DLGAP2: variants seen among roughly 807,000 people sequenced by gnomAD.
DLGAP2 encodes DLG associated protein 2.
In DLGAP2, 26 loss-of-function variants were observed where a neutral mutation model predicts 100.3. The ratio of observed to expected loss-of-function variants is 0.26; its 90% confidence interval spans 0.19 to 0.36. DLGAP2 has a LOEUF of 0.36. DLGAP2 is among the 10% of genes least tolerant of loss of function. DLGAP2 has a pLI of 1.00. For synonymous variants in DLGAP2, 886 were observed against 630.1 expected, an observed-to-expected ratio of 1.41 and a Z score of -6.08; for missense variants, 1,858 against 1,453.2, an observed-to-expected ratio of 1.28 and a Z score of -4.53.
chr8:1,359,140 C>A (rs996039025), intron 3 of DLGAP2, among the ~76,000 whole-genome samples: 1 of 152,178 alleles, frequency 6.6e-6, no homozygotes, highest in African/African-American at 2.4e-5. Flanking sequence ...AGAACCACCC[C>A]TCTAGGCCAC....
At chr8:1,234,991 G>GCCA (rs1798613224) in intron 2 of DLGAP2, among the ~76,000 whole-genome samples, 6 of 9,042 alleles carry the variant, frequency 6.6e-4, no homozygotes, top group Non-Finnish European at 2.0e-3. Flanking sequence ...GCATAGCATC[G>GCCA]TGTCTAGTTC....
intron 3 of DLGAP2, among the ~76,000 whole-genome samples, chr8:1,265,518 G>A (rs1799433084): frequency 1.3e-5 from 2 of 152,174 alleles, no homozygotes; most frequent in African/African-American, 2.4e-5. Context: ...AAAAGAATGG[G>A]GAGAAAGGAG....
Position 1,063,604 on chromosome 8 carries a change from T to A in DLGAP2, c.73+155638T>A, listed in dbSNP as rs2129035692. ...ATGGTATTGTCTAGCCTCTTTCTGA[T>A]GAAATAGAATGTCAGTAAAAGGATG... On this transcript the variant is annotated intron_variant, in intron 2 of 14. Coordinates refer to ENST00000637795, the MANE Select transcript of DLGAP2 (RefSeq NM_001346810.2). 1.3e-5 allele frequency among the ~76,000 whole-genome samples: 2 copies of A among 151,946 alleles called. 1 individual carries two copies. Among genetic ancestry groups the A allele is most frequent in the South Asian group, 4.2e-4 (2 of 4,790 alleles).
chr8:944,739 T>C (rs1173924092), intron 2 of DLGAP2, among the ~76,000 whole-genome samples: 1 of 151,804 alleles, frequency 6.6e-6, no homozygotes, highest in Non-Finnish European at 1.5e-5. Flanking sequence ...AGCCAATCCC[T>C]GCAGGTGATC....
chr8:1,233,803 G>A (rs994748471), intron 2 of DLGAP2, among the ~76,000 whole-genome samples: 2 of 152,156 alleles, frequency 1.3e-5, no homozygotes, highest in Non-Finnish European at 1.5e-5. Flanking sequence ...AATATAAAAT[G>A]TACCTAAATA....
chr8:1,346,844 A>C (rs572786593), intron 3 of DLGAP2, among the ~76,000 whole-genome samples: 18 of 150,990 alleles, frequency 1.2e-4, no homozygotes, highest in Non-Finnish European at 2.2e-4. Context: ...CATTGCACTC[A>C]TGGTAGCTGT....
At chr8:1,312,606 G>C (rs181711248) in intron 3 of DLGAP2, among the ~76,000 whole-genome samples, 1 of 152,202 alleles carries the variant, frequency 6.6e-6, no homozygotes, top group Non-Finnish European at 1.5e-5. Flanking sequence ...CATGTGCAGC[G>C]TTGCGAATGT....
chr8:1,555,367 C>G (rs1801928078), intron 5 of DLGAP2, among the ~76,000 whole-genome samples: 1 of 152,324 alleles, frequency 6.6e-6, no homozygotes, highest in East Asian at 1.9e-4. Flanking sequence ...GCCTGCCCCC[C>G]ACACTCTATG....
intron 2 of DLGAP2, among the ~76,000 whole-genome samples, chr8:1,197,556 G>A (rs1420431533): frequency 6.6e-6 from 1 of 152,188 alleles, no homozygotes; most frequent in Non-Finnish European, 1.5e-5. Context: ...ACACCAACAT[G>A]TAGCATCCAG....
At chr8:1,134,962 A>G (rs895739719) in intron 2 of DLGAP2, among the ~76,000 whole-genome samples, 1 of 152,198 alleles carries the variant, frequency 6.6e-6, no homozygotes, top group Non-Finnish European at 1.5e-5. Flanking sequence ...GGGGATATCA[A>G]TAGAATCAAT....
At chr8:1,177,527 G>A (rs561977723) in intron 2 of DLGAP2, among the ~76,000 whole-genome samples, 2 of 152,216 alleles carry the variant, frequency 1.3e-5, no homozygotes, top group African/African-American at 2.4e-5. Flanking sequence ...TCTGGCTTGC[G>A]ATTGTGTTGC....
chr8:1,103,196 G>A (rs1804642860), intron 2 of DLGAP2, among the ~76,000 whole-genome samples: 1 of 152,204 alleles, frequency 6.6e-6, no homozygotes, highest in African/African-American at 2.4e-5. Context: ...TCTGCCCTGT[G>A]TGTGTATCAC....
intron 3 of DLGAP2, among the ~76,000 whole-genome samples, chr8:1,265,322 C>T (rs1199009994): frequency 6.6e-6 from 1 of 152,106 alleles, no homozygotes; most frequent in Non-Finnish European, 1.5e-5. Context: ...ATTGACCACT[C>T]TGTGGATATA....
intron 3 of DLGAP2, among the ~76,000 whole-genome samples, chr8:1,264,237 C>T (rs1483004133): frequency 1.3e-5 from 2 of 152,150 alleles, no homozygotes; most frequent in African/African-American, 2.4e-5. Flanking sequence ...GCACGAGTTC[C>T]AGCTGCAGTC....
At chr8:1,163,931 C>T (rs531933809) in intron 2 of DLGAP2, among the ~76,000 whole-genome samples, 41 of 152,346 alleles carry the variant, frequency 2.7e-4, no homozygotes, top group Middle Eastern at 3.4e-3. Context: ...CCCTGGCTTC[C>T]TCCGGGTGAG....
At chr8:1,355,753 G>T (rs1409252403) in intron 3 of DLGAP2, among the ~76,000 whole-genome samples, 1 of 152,088 alleles carries the variant, frequency 6.6e-6, no homozygotes, top group East Asian at 1.9e-4. Flanking sequence ...CTGTCCCTGT[G>T]GACAAGTGCC....
At chr8:1,225,189 A>AG (rs1289074891) in intron 2 of DLGAP2, among the ~76,000 whole-genome samples, 7 of 152,250 alleles carry the variant, frequency 4.6e-5, no homozygotes, top group Admixed American at 3.3e-4. Context: ...GGATGTCCAC[A>AG]GGGGTGGATG....
intron 4 of DLGAP2, among the ~76,000 whole-genome samples, chr8:1,546,351 G>A (rs1264401646): frequency 1.3e-5 from 2 of 152,198 alleles, no homozygotes; most frequent in Admixed American, 1.3e-4. Context: ...CTTGCTGTCA[G>A]TCTCTCGGGA....
chr8:811,240 G>T (rs1019917620), intron 1 of DLGAP2, among the ~76,000 whole-genome samples: 1 of 152,272 alleles, frequency 6.6e-6, no homozygotes, highest in Non-Finnish European at 1.5e-5. Flanking sequence ...TCCCTTCTTG[G>T]AGACAGCTTC....
Sources: gnomAD v4.1 joint callset for allele counts (sites outside exome capture counted in the v4.1 genomes callset) on GRCh38, gnomAD v4.1.1 for gene constraint, MANE v1.5 for transcripts, NCBI Gene and HGNC (gene_info 2026-07-23, HGNC 2026-07-21) for gene names.